The following METAP1D variants were observed in gnomAD, a reference collection of about 807,000 sequenced individuals.
METAP1D encodes the protein methionine aminopeptidase 1D, mitochondrial.
In METAP1D, 31 loss-of-function variants were observed where a neutral mutation model predicts 40.5. The observed-to-expected ratio is 0.77, with a 90% CI of 0.58 to 1.03. METAP1D has a LOEUF of 1.03. METAP1D is among the 50% of genes least tolerant of loss of function. The pLI is 0.00. For synonymous variants in METAP1D, 151 were observed against 146.4 expected, an observed-to-expected ratio of 1.03 and a Z score of -0.22; for missense variants, 411 against 420.7, an observed-to-expected ratio of 0.98 and a Z score of 0.20.
intron 1 of METAP1D, among the ~76,000 whole-genome samples, chr2:172,044,728 G>C (rs1182378354): frequency 7.5e-6 from 1 of 133,606 alleles, no homozygotes; most frequent in African/African-American, 2.5e-5. Context: ...TCAACATGGC[G>C]AAACCCCATT....
At chr2:172,071,170 C>G (rs1690414881) in intron 6 of METAP1D, 100 bp downstream of exon 6, 8 of 1,079,048 alleles carry the variant, frequency 7.4e-6, no homozygotes, top group Non-Finnish European at 8.5e-6. Flanking sequence ...GATTCAGAAC[C>G]ATCATTTCAG....
At chr2:172,020,666 A>G (rs1413741968) in intron 1 of METAP1D, among the ~76,000 whole-genome samples, 1 of 152,222 alleles carries the variant, frequency 6.6e-6, no homozygotes, top group East Asian at 1.9e-4. Flanking sequence ...TTGGTAGGCA[A>G]TAAGCAAATA....
At chr2:172,025,957 A>G (rs542338503) in intron 1 of METAP1D, among the ~76,000 whole-genome samples, 67 of 152,328 alleles carry the variant, frequency 4.4e-4, no homozygotes, top group Admixed American at 2.7e-3. Context: ...ATATTAAAAT[A>G]TAAGTACTCT....
chr2:172,049,652 C>T (rs951002856), intron 1 of METAP1D, among the ~76,000 whole-genome samples: 2 of 152,120 alleles, frequency 1.3e-5, no homozygotes, highest in Non-Finnish European at 2.9e-5. Flanking sequence ...AAGCTGCCTT[C>T]AGAAAATTTG....
intron 1 of METAP1D, among the ~76,000 whole-genome samples, chr2:172,020,248 G>A (rs1367300901): frequency 6.6e-6 from 1 of 152,218 alleles, no homozygotes; most frequent in Non-Finnish European, 1.5e-5. Context: ...GCCTCCCAAA[G>A]TGCTGGGATT....
chr2:172,061,469 A>G, intron 1 of METAP1D, 29 bp from the exon 2 acceptor site: 1 of 1,592,230 alleles, frequency 6.3e-7, no homozygotes, highest in Non-Finnish European at 8.5e-7. Flanking sequence ...TTGTTTTTTT[A>G]CTTAAAATAT....
Position 172,071,083 on chromosome 2 carries a change from T to G in METAP1D, c.704+13T>G. On this transcript the variant is annotated intron_variant, in intron 6 of 9. Transcript: ENST00000315796. ...GAAACACAATCAGGTAAGCCTTACA[T>G]TGACAAGTAAAGGGAGGGTTGGCAA... The G allele has an allele frequency of 6.3e-7, 1 of 1,595,966 alleles. No homozygotes were observed.
At chr2:172,017,553 A>G (rs1440801847) in intron 1 of METAP1D, among the ~76,000 whole-genome samples, 1 of 152,070 alleles carries the variant, frequency 6.6e-6, no homozygotes, top group African/African-American at 2.4e-5. Context: ...CTGACTAACA[A>G]AATTACCAGA....
rs1195472389 is a variant in METAP1D at position 172,081,863 on chromosome 2, C to T, written c.*1457C>T. 6.6e-6 allele frequency: 1 copy of T among 152,212 alleles called. No homozygotes were observed. The highest frequency in any genetic ancestry group is 2.4e-5 in the African/African-American group (1 of 41,448). The allele number at this position is 152,212 out of a possible 1,614,324, so 9.4% of individuals were successfully genotyped here. A position where few individuals can be genotyped will look rare whatever the true frequency, so the allele number is the denominator to read the frequency against. ...AGAGCCAGCTCATCTTTGTAACATT[C>T]ATAATACGGGAAACTGAGGACCAGG... On this transcript the variant is annotated 3_prime_UTR_variant, in exon 10 of 10. Transcript: ENST00000315796.
intron 1 of METAP1D, among the ~76,000 whole-genome samples, chr2:172,045,813 GTGTGTGTATATATATA>G (rs1415056848): frequency 3.6e-4 from 14 of 39,382 alleles, no homozygotes; most frequent in Admixed American, 9.5e-4. Flanking sequence ...GTGTGTGTGT[GTGTGTGTATATATATA>G]TATATATATA....
intron 1 of METAP1D, among the ~76,000 whole-genome samples, chr2:172,009,744 T>C (rs1306273337): frequency 6.6e-6 from 1 of 152,146 alleles, no homozygotes; most frequent in Non-Finnish European, 1.5e-5. Context: ...TGCTTGTGTG[T>C]TCTGAATGTA....
chr2:172,030,066 C>CATTTT (rs1191961315), intron 1 of METAP1D, among the ~76,000 whole-genome samples: 4 of 150,642 alleles, frequency 2.7e-5, no homozygotes, highest in South Asian at 4.2e-4. Context: ...TTTAAGCCTA[C>CATTTT]ATTTTATTTT....
intron 1 of METAP1D, among the ~76,000 whole-genome samples, chr2:172,027,433 T>C (rs1187698429): frequency 1.3e-5 from 2 of 152,236 alleles, no homozygotes; most frequent in African/African-American, 4.8e-5. Context: ...TACAGGTTTG[T>C]AGGCTAGGAG....
At chr2:172,017,361 A>ATATG (rs1688896449) in intron 1 of METAP1D, among the ~76,000 whole-genome samples, 1 of 147,928 alleles carries the variant, frequency 6.8e-6, no homozygotes, top group African/African-American at 2.5e-5. Context: ...ATAGGTATAT[A>ATATG]TGTATATATA....
intron 1 of METAP1D, among the ~76,000 whole-genome samples, chr2:172,046,916 A>G (rs189712965): frequency 1.3e-5 from 2 of 152,374 alleles, no homozygotes; most frequent in Admixed American, 6.5e-5. Context: ...AAATAAATGC[A>G]AAATTTAAAG....
chr2:172,069,306 A>G (rs1574141599), intron 5 of METAP1D, among the ~76,000 whole-genome samples: 4 of 152,352 alleles, frequency 2.6e-5, no homozygotes, highest in Admixed American at 6.5e-5. Context: ...GCAGTTATAT[A>G]AACATTCATT....
rs770214472 is a variant in METAP1D at position 172,065,630 on chromosome 2, T to A, written c.375T>A (p.Asp125Glu). Reference protein sequence around the residue: ...LKVDMTTEEIDALVHREIISH... With the variant: ...LKVDMTTEEIEALVHREIISH... ...TTGACATGACAACTGAAGAGATAGA[T>A]GCTCTTGTTCATCGGGAAATCATCA... Residue 125 changes from aspartate to glutamate, a missense_variant, in exon 4 of 10, where the codon GAT becomes GAA. Asp to Glu is a conservative substitution (Grantham distance 45). Coordinates refer to ENST00000315796, the MANE Select transcript of METAP1D (RefSeq NM_199227.3). 6.2e-7 allele frequency: 1 copy of A among 1,613,892 alleles called. No individual in the cohort carries two copies. Among genetic ancestry groups the A allele is most frequent in the East Asian group, 2.2e-5 (1 of 44,850 alleles).
chr2:172,050,074 A>G (rs1201832992), intron 1 of METAP1D, among the ~76,000 whole-genome samples: 1 of 152,120 alleles, frequency 6.6e-6, no homozygotes, highest in Non-Finnish European at 1.5e-5. Flanking sequence ...AATTTTGGTC[A>G]AAGCTCTGAG....
intron 1 of METAP1D, among the ~76,000 whole-genome samples, chr2:172,016,300 A>AATATATATATATATATATATATATAT (rs1188835723): frequency 2.5e-5 from 1 of 40,038 alleles, no homozygotes; most frequent in Non-Finnish European, 4.6e-5. Context: ...AAAAAAAAAA[A>AATATATATATATATATATATATATAT]ATATATATAT....
Sources: gnomAD v4.1 joint callset for allele counts (sites outside exome capture counted in the v4.1 genomes callset) on GRCh38, gnomAD v4.1.1 for gene constraint, MANE v1.5 for transcripts, NCBI Gene and HGNC (gene_info 2026-07-23, HGNC 2026-07-21) for gene names.